Variants in OR4E2 observed in about 807,000 individuals in gnomAD.
The protein encoded by OR4E2 is olfactory receptor 4E2.
Under a neutral mutation model 11.0 loss-of-function variants are expected in OR4E2, and 9 were observed. That is an observed-to-expected ratio of 0.82 (90% CI 0.49 to 1.43). OR4E2 has a LOEUF of 1.43. OR4E2 is among the 40% of genes most tolerant of loss of function. The pLI, the probability that OR4E2 is intolerant of heterozygous loss-of-function variation, is 0.00. For synonymous variants in OR4E2, 159 were observed against 147.3 expected (o/e 1.08, Z -0.57); for missense variants, 441 against 382.0 (o/e 1.15, Z -1.29).
In OR4E2 at chr14:21,665,463, C is replaced by T. The variant is rs1566588652; in HGVS notation, c.381C>T (p.Cys127=). 1 of 1,613,760 alleles carries T rather than the reference C, an allele frequency of 6.2e-7. No homozygotes were observed. The highest frequency in any genetic ancestry group is 1.7e-5 in the Admixed American group (1 of 60,000). The change falls in exon 4 of 4, where the codon TGC becomes TGT. Residue 127 remains cysteine (C), a synonymous_variant. Transcript: ENST00000641524. ...IMAYDRYVAI[C]TPLHYPNVMN... ...CGTATGATCGTTACGTGGCTATCTG[C>T]ACTCCACTCCACTACCCCAATGTGA...
chr14:21,663,337 G>T (rs1241829657), intron 3 of OR4E2, among the ~76,000 whole-genome samples: 1 of 152,098 alleles, frequency 6.6e-6, no homozygotes, highest in African/African-American at 2.4e-5. Context: ...AAAATTAGCT[G>T]GGTGTGGTGG....
At chr14:21,662,950 A>G (rs180967263) in intron 3 of OR4E2, among the ~76,000 whole-genome samples, 285 of 152,364 alleles carry the variant, frequency 1.9e-3, no homozygotes, top group African/African-American at 6.7e-3. Context: ...CCATCAGTAT[A>G]AAAAGTTAGG....
intron 2 of OR4E2, among the ~76,000 whole-genome samples, chr14:21,660,261 A>T (rs1271619289): frequency 6.6e-6 from 1 of 152,218 alleles, no homozygotes; most frequent in Non-Finnish European, 1.5e-5. Context: ...GCCAAGGCTG[A>T]TCTGACAGGA....
intron 1 of OR4E2, among the ~76,000 whole-genome samples, chr14:21,654,648 T>C (rs1315399963): frequency 6.6e-6 from 1 of 151,998 alleles, no homozygotes; most frequent in Non-Finnish European, 1.5e-5. Context: ...GCATTTTCAA[T>C]CTGCGTTTGG....
intron 3 of OR4E2, among the ~76,000 whole-genome samples, chr14:21,663,123 C>G (rs1880425601): frequency 6.6e-6 from 1 of 151,996 alleles, no homozygotes; most frequent in South Asian, 2.1e-4. Context: ...TTTTGCATAC[C>G]CATTGTGTAC....
chr14:21,659,739 A>G (rs748730131), intron 2 of OR4E2, among the ~76,000 whole-genome samples: 1 of 152,252 alleles, frequency 6.6e-6, no homozygotes, highest in East Asian at 1.9e-4. Flanking sequence ...AGCAACTGCT[A>G]TGTTCTATAT....
At chr14:21,654,383 T>C (rs531829719) in intron 1 of OR4E2, among the ~76,000 whole-genome samples, 6 of 146,834 alleles carry the variant, frequency 4.1e-5, no homozygotes, top group East Asian at 4.0e-4. Flanking sequence ...CACACACGCA[T>C]GCACACACAC....
At chr14:21,655,204 C>T in intron 1 of OR4E2, among the ~76,000 whole-genome samples, 1 of 152,064 alleles carries the variant, frequency 6.6e-6, no homozygotes, top group South Asian at 2.1e-4. Context: ...CAAGTATACG[C>T]AGAGTAATAT....
In OR4E2 at chr14:21,666,161, A is replaced by T. The variant is rs918594279; in HGVS notation, c.*137A>T. 14 of 617,712 alleles carry T rather than the reference A, an allele frequency of 2.3e-5. No homozygotes were observed. Among genetic ancestry groups the T allele is most frequent in the South Asian group, 4.2e-5 (2 of 47,422 alleles). The allele number at this position is 617,712 out of a possible 1,614,324, so 38.3% of individuals were successfully genotyped here. Reference sequence around the variant, plus strand: ...CAGGTCAGATTTCTGCTCATTAAAGATAAGAACTTATTCTGTTCATTAAAG... The same window carrying T: ...CAGGTCAGATTTCTGCTCATTAAAGTTAAGAACTTATTCTGTTCATTAAAG... On this transcript the variant is annotated 3_prime_UTR_variant, in exon 4 of 4. Coordinates refer to ENST00000641524, the MANE Select transcript of OR4E2 (RefSeq NM_001001912.3).
chr14:21,654,060 G>A (rs1879792730), intron 1 of OR4E2, 121 bp downstream of exon 1: 1 of 152,192 alleles, frequency 6.6e-6, no homozygotes, highest in African/African-American at 2.4e-5. Context: ...TTAGAAGACA[G>A]CCTAAGCTTA....
chr14:21,660,593 G>A (rs1013475487), intron 2 of OR4E2, 60 bp from the exon 3 acceptor site: 1 of 151,804 alleles, frequency 6.6e-6, no homozygotes, highest in African/African-American at 2.4e-5. Flanking sequence ...GGGAGCCATC[G>A]AAAGTCTTCG....
chr14:21,664,576 C>G (rs146061524), intron 3 of OR4E2, among the ~76,000 whole-genome samples: 1 of 152,106 alleles, frequency 6.6e-6, no homozygotes, highest in East Asian at 1.9e-4. Context: ...GCCTGGAGGA[C>G]AGTGACTTGC....
chr14:21,662,396 A>G (rs148886784), intron 3 of OR4E2, among the ~76,000 whole-genome samples: 113 of 152,076 alleles, frequency 7.4e-4, no homozygotes, highest in African/African-American at 2.6e-3. Context: ...TCCCTGGTTC[A>G]GTTCAAGCAA....
intron 2 of OR4E2, among the ~76,000 whole-genome samples, chr14:21,660,196 A>G (rs957595022): frequency 6.6e-6 from 1 of 152,182 alleles, no homozygotes. Context: ...GGAGTGCACA[A>G]TCTAGATCCC....
At position 21,667,627 on chromosome 14, in the gene OR4E2, A is replaced by C. The variant is rs1261232220; in HGVS notation, c.*1603A>C. The stretch of plus-strand genomic sequence containing the variant: ...ACTACTATGTACATGTTAAAAACTT[A>C]GAAAAATGATCTAATTATGCCTCTA... On this transcript the variant is annotated 3_prime_UTR_variant, in exon 4 of 4. Coordinates refer to ENST00000641524, the MANE Select transcript of OR4E2 (RefSeq NM_001001912.3). 1.3e-5 allele frequency: 2 copies of C among 152,220 alleles called. No homozygotes were observed. Among genetic ancestry groups the C allele is most frequent in the African/African-American group, 4.8e-5 (2 of 41,468 alleles). 9.4% of individuals were successfully genotyped at this position (152,220 alleles called of 1,614,324 possible).
chr14:21,666,244 G>A lies in OR4E2; in HGVS notation c.*220G>A. The A allele has an allele frequency of 2.3e-6, 1 of 432,416 alleles. No individual in the cohort carries two copies. The highest frequency in any genetic ancestry group is 4.1e-6 in the Non-Finnish European group (1 of 245,664). 26.8% of individuals were successfully genotyped at this position (432,416 alleles called of 1,614,324 possible). A position where few individuals can be genotyped will look rare whatever the true frequency, so the allele number is the denominator to read the frequency against. Reference sequence around the variant, plus strand: ...CAAAAGATCATAGTGGAAGTTATAAGGAAAAATAACGTGGGAAAGTTTAAA... The same window carrying A: ...CAAAAGATCATAGTGGAAGTTATAAAGAAAAATAACGTGGGAAAGTTTAAA... On this transcript the variant is annotated 3_prime_UTR_variant, in exon 4 of 4. Coordinates refer to ENST00000641524, the MANE Select transcript of OR4E2 (RefSeq NM_001001912.3).
rs376029887 is a variant in OR4E2, at chr14:21,666,008, C to T, written c.926C>T (p.Thr309Met). ...CTCAGGCAGAGACAAGTTTTTTTCA[C>T]GAAATCATATACATAATGGGCACTG... ...KQLRQRQVFF[T>M]KSYT Residue 309 changes from threonine (T) to methionine (M), a missense_variant, in exon 4 of 4, where the codon ACG becomes ATG. Transcript: ENST00000641524. The T allele has an allele frequency of 6.9e-5, 111 of 1,612,406 alleles. No homozygotes were observed. The highest frequency in any genetic ancestry group is 3.3e-4 in the Middle Eastern group (2 of 6,080).
intron 2 of OR4E2, among the ~76,000 whole-genome samples, chr14:21,660,299 C>A (rs960712099): frequency 1.3e-5 from 2 of 152,226 alleles, no homozygotes; most frequent in African/African-American, 4.8e-5. Context: ...GATGCTGAAG[C>A]ACTCACCTCC....
rs1880049516 is a variant in OR4E2 at position 21,657,445 on chromosome 14, TTCCTTCCTTCC to T, written c.-103+858_-103+868del. ...TTCTCTTTCTTTCTTCTTTCTTTCC[TTCCTTCCTTCC>T]TTCCTTCCTTCCTTCCTTCCTTCCT... On this transcript the variant is annotated intron_variant, in intron 2 of 3. Coordinates refer to ENST00000641524, the MANE Select transcript of OR4E2 (RefSeq NM_001001912.3). Among the ~76,000 whole-genome samples the T allele has an allele frequency of 2.8e-3, 10 of 3,586 alleles. No individual in the cohort carries two copies. In the East Asian group the frequency reaches 0.11, roughly 40 times the overall value. 2.4% of individuals were successfully genotyped at this position (3,586 alleles called of 152,430 possible).
Sources: allele counts gnomAD v4.1 joint callset (sites outside exome capture counted in the v4.1 genomes callset), GRCh38; gene constraint gnomAD v4.1.1; transcripts MANE v1.5; gene names NCBI Gene and HGNC (gene_info 2026-07-23, HGNC 2026-07-21).